The following CCDC66 variants were observed in gnomAD, a reference collection of about 807,000 sequenced individuals.
CCDC66 encodes coiled-coil domain containing 66, also known as coiled-coil domain-containing protein 66.
A neutral mutation model predicts 128.3 loss-of-function variants in CCDC66; 133 were observed. The observed-to-expected ratio is 1.04, with a 90% CI of 0.90 to 1.20. The LOEUF (loss-of-function observed/expected upper bound fraction) is 1.20. Ranked by LOEUF, CCDC66 falls within the 50% of genes most tolerant of loss-of-function variation. CCDC66 has a pLI of 0.00. For missense variants in CCDC66, 1,126 were observed against 1,075.5 expected (o/e 1.05, Z -0.66); for synonymous variants, 387 against 357.0 (o/e 1.08, Z -0.95).
At chr3:56,585,061 C>A (rs556038919) in intron 7 of CCDC66, among the ~76,000 whole-genome samples, 2 of 141,006 alleles carry the variant, frequency 1.4e-5, no homozygotes, top group East Asian at 4.7e-4. Context: ...AGCTTCGGCT[C>A]GGCATCAGAG....
rs1417060594 is a variant in CCDC66 at position 56,563,711 on chromosome 3, T to G, written c.130T>G (p.Cys44Gly). ...KMGNKAKIAK[C>G]PLRTKTGHIL... ...GGGAAATAAGGCCAAGATTGCAAAATGTCCTTTAAGAACAAAAACTGGGCA... is the reference window on the plus strand; with the variant it reads ...GGGAAATAAGGCCAAGATTGCAAAAGGTCCTTTAAGAACAAAAACTGGGCA... Residue 44 changes from cysteine (C) to glycine (G), a missense_variant, in exon 4 of 18, where the codon TGT (cysteine) becomes GGT (glycine). Coordinates refer to ENST00000394672, the MANE Select transcript of CCDC66 (RefSeq NM_001141947.3). 2 of 1,550,220 alleles carry G rather than the reference T, an allele frequency of 1.3e-6. No homozygotes were observed. Among genetic ancestry groups the G allele is most frequent in the Non-Finnish European group, 1.7e-6 (2 of 1,146,422 alleles).
At chr3:56,619,225 T>TC (rs1432741127) in intron 15 of CCDC66, 46 bp from the exon 16 acceptor site, 2 of 1,377,044 alleles carry the variant, frequency 1.5e-6, no homozygotes, top group East Asian at 5.0e-5. Context: ...TAAAGAGATA[T>TC]ACTTAATCTA....
At position 56,613,538 on chromosome 3, in the gene CCDC66, C is replaced by T. The variant is rs146342284; in HGVS notation, c.1405-51C>T. On this transcript the variant is annotated intron_variant, in intron 10 of 17. Transcript: ENST00000394672. ...CTAGTCAGCCATCTTGAATTCCCTC[C>T]TGCTTAGATTTTTATTTTTGACAAT... 1,386 of 1,580,196 alleles carry T rather than the reference C, an allele frequency of 8.8e-4. 3 individuals carry two copies. Among genetic ancestry groups the T allele is most frequent in the Admixed American group, 1.5e-3 (83 of 54,136 alleles).
At chr3:56,568,141 C>A (rs1007418591) in intron 6 of CCDC66, among the ~76,000 whole-genome samples, 1 of 152,148 alleles carries the variant, frequency 6.6e-6, no homozygotes, top group Non-Finnish European at 1.5e-5. Context: ...AGCCTGGCTG[C>A]GTCATTGCAG....
intron 10 of CCDC66, among the ~76,000 whole-genome samples, chr3:56,600,147 AT>A (rs962094904): frequency 1.0e-5 from 1 of 99,858 alleles, no homozygotes; most frequent in Admixed American, 1.7e-4. Flanking sequence ...ATGTGCACTT[AT>A]CTTTTTTTTT....
chr3:56,565,103 C>T (rs777104072), intron 4 of CCDC66: 2 of 393,778 alleles, frequency 5.1e-6, no homozygotes, highest in South Asian at 1.8e-5. Flanking sequence ...ATCCTGTGAG[C>T]CCTCTAAAAC....
chr3:56,561,343 C>A, intron 3 of CCDC66: 1 of 448,584 alleles, frequency 2.2e-6, no homozygotes. Flanking sequence ...CCTTTATAGG[C>A]CTATAATAAA....
intron 16 of CCDC66, 123 bp from the exon 17 acceptor site, chr3:56,619,654 T>A: frequency 1.3e-6 from 2 of 1,484,468 alleles, no homozygotes; most frequent in Non-Finnish European, 1.8e-6. Context: ...ATGTCTTAAA[T>A]TTTTCTTAGT....
intron 7 of CCDC66, among the ~76,000 whole-genome samples, chr3:56,580,262 G>A (rs549149634): frequency 6.6e-6 from 1 of 151,686 alleles, no homozygotes; most frequent in South Asian, 2.1e-4. Context: ...CATTTGCTTG[G>A]TAGATCTTCC....
chr3:56,571,962 C>A (rs6778373), intron 7 of CCDC66, among the ~76,000 whole-genome samples: 57,977 of 151,942 alleles, frequency 0.38, 13,653 homozygotes, highest in Non-Finnish European at 0.54. Context: ...CTCAAGCGAT[C>A]CTCCCACCTT....
chr3:56,617,442 A>T lies in CCDC66; in HGVS notation c.2174A>T (p.Lys725Met). 6.2e-7 allele frequency: 1 copy of T among 1,614,096 alleles called. No homozygotes were observed. The highest frequency in any genetic ancestry group is 1.1e-5 in the South Asian group (1 of 91,064). The change falls in exon 14 of 18, where the codon AAG (lysine) becomes ATG (methionine). Residue 725 changes from lysine (K) to methionine (M), a missense_variant. Lys to Met is a moderately conservative substitution (Grantham distance 95, BLOSUM62 -1). Coordinates refer to ENST00000394672, the MANE Select transcript of CCDC66 (RefSeq NM_001141947.3). ...GAAAAGTACCCTAAACAGCTTCAAA[A>T]GCAGAGAGAAGAAAAAAAAGTAAGG... ...ASEKYPKQLQ[K>M]QREEKKVRRQ...
intron 7 of CCDC66, among the ~76,000 whole-genome samples, chr3:56,571,656 G>T (rs542458505): frequency 2.4e-4 from 37 of 152,236 alleles, no homozygotes; most frequent in Non-Finnish European, 4.6e-4. Flanking sequence ...GGGATTACAG[G>T]CATGAGCCAC....
chr3:56,580,700 T>G (rs1446911549), intron 7 of CCDC66, among the ~76,000 whole-genome samples: 1 of 151,908 alleles, frequency 6.6e-6, no homozygotes, highest in African/African-American at 2.4e-5. Flanking sequence ...AAATTCTGGG[T>G]TGAAAATTCT....
At chr3:56,620,116 AATC>A (rs1413587195) in intron 17 of CCDC66, 1 of 335,406 alleles carries the variant, frequency 3.0e-6, no homozygotes, top group East Asian at 5.1e-5. Flanking sequence ...TCCAGTACGA[AATC>A]ATCAGACAGT....
At chr3:56,585,125 GGGAGAGGGA>G in intron 7 of CCDC66, among the ~76,000 whole-genome samples, 2 of 61,724 alleles carry the variant, frequency 3.2e-5, no homozygotes, top group Non-Finnish European at 1.4e-4. Flanking sequence ...GAGGGGGAGA[GGGAGAGGGA>G]GGGAGAGGGA....
intron 7 of CCDC66, among the ~76,000 whole-genome samples, chr3:56,582,584 A>G (rs1429536398): frequency 6.6e-6 from 1 of 151,788 alleles, no homozygotes; most frequent in Non-Finnish European, 1.5e-5. Flanking sequence ...TGGTATATAG[A>G]TTAGTATGTA....
In CCDC66 at chr3:56,602,377, T is replaced by C. The variant is rs545246518; in HGVS notation, c.1404+8349T>C. Among the ~76,000 whole-genome samples the C allele has an allele frequency of 4.6e-5, 7 of 152,188 alleles. No individual in the cohort carries two copies. The South Asian group carries it at 1.2e-3, about 27-fold the overall frequency. On this transcript the variant is annotated intron_variant, in intron 10 of 17. Coordinates refer to ENST00000394672, the MANE Select transcript of CCDC66 (RefSeq NM_001141947.3). Reference sequence around the variant, plus strand: ...TGCTGCTGGATTTGATTTGACAGTATTTTGTTGAGGATTTTTGCATCAATG... The same window carrying C: ...TGCTGCTGGATTTGATTTGACAGTACTTTGTTGAGGATTTTTGCATCAATG...
intron 4 of CCDC66, chr3:56,565,244 G>C: frequency 8.4e-6 from 2 of 238,748 alleles, no homozygotes; most frequent in South Asian, 7.4e-5. Context: ...TCCCCTTTAG[G>C]TTGTGATTTG....
intron 17 of CCDC66, chr3:56,620,639 T>G (rs1014922123): frequency 6.6e-6 from 1 of 152,246 alleles, no homozygotes; most frequent in South Asian, 2.1e-4. Context: ...TTGGTCTATT[T>G]ACTCATTTGA....
Sources: allele counts gnomAD v4.1 joint callset (sites outside exome capture counted in the v4.1 genomes callset), GRCh38; gene constraint gnomAD v4.1.1; transcripts MANE v1.5; gene names NCBI Gene and HGNC (gene_info 2026-07-23, HGNC 2026-07-21).